The following ZMYM4 variants were observed in gnomAD, a reference collection of about 807,000 sequenced individuals.
ZMYM4 encodes the protein zinc finger MYM-type containing 4, also known as zinc finger MYM-type protein 4.
Under a neutral mutation model 183.2 loss-of-function variants are expected in ZMYM4, and 31 were observed. That is an observed-to-expected ratio of 0.17 (90% CI 0.13 to 0.23). ZMYM4 has a LOEUF of 0.23. Among genes scored for constraint, ZMYM4 ranks in the 10% least tolerant of loss-of-function variants. The pLI, the probability that ZMYM4 is intolerant of heterozygous loss-of-function variation, is 1.00. For synonymous variants in ZMYM4, 592 were observed against 631.2 expected, an observed-to-expected ratio of 0.94 and a Z score of 0.93; for missense variants, 1,273 against 1,840.3, an observed-to-expected ratio of 0.69 and a Z score of 5.64.
At chr1:35,278,237 A>AGGATC (rs200230677) in intron 1 of ZMYM4, among the ~76,000 whole-genome samples, 5,108 of 151,224 alleles carry the variant, frequency 0.034, 254 homozygotes, top group East Asian at 0.24. Context: ...CCTTACCATA[A>AGGATC]TTACCTCTCC....
At chr1:35,355,339 A>G (rs1453375651) in intron 2 of ZMYM4, among the ~76,000 whole-genome samples, 4 of 149,632 alleles carry the variant, frequency 2.7e-5, no homozygotes, top group Non-Finnish European at 5.9e-5. Flanking sequence ...GAGCCACCGC[A>G]CCCAGCCATC....
At chr1:35,279,019 C>G (rs1260931055) in intron 1 of ZMYM4, among the ~76,000 whole-genome samples, 2 of 152,186 alleles carry the variant, frequency 1.3e-5, no homozygotes, top group African/African-American at 2.4e-5. Flanking sequence ...ACAAATTTCT[C>G]TAGGTTTCAG....
chr1:35,409,379 T>A (rs6693302), intron 26 of ZMYM4, among the ~76,000 whole-genome samples: 14,113 of 152,238 alleles, frequency 0.093, 1,768 homozygotes, highest in African/African-American at 0.28. Flanking sequence ...AGCACCATTT[T>A]ACATTTCCAA....
chr1:35,380,440 G>A (rs1019794685), intron 7 of ZMYM4, among the ~76,000 whole-genome samples: 1 of 152,054 alleles, frequency 6.6e-6, no homozygotes, highest in Non-Finnish European at 1.5e-5. Flanking sequence ...CCATCCTCCT[G>A]CCTCAACCTC....
At chr1:35,284,387 CTA>C (rs1640365543) in intron 1 of ZMYM4, among the ~76,000 whole-genome samples, 1 of 152,106 alleles carries the variant, frequency 6.6e-6, no homozygotes, top group African/African-American at 2.4e-5. Context: ...AGATTTTTCC[CTA>C]TGTTTTCTTC....
intron 1 of ZMYM4, among the ~76,000 whole-genome samples, chr1:35,308,691 T>A (rs529454888): frequency 6.6e-6 from 1 of 152,248 alleles, no homozygotes; most frequent in South Asian, 2.1e-4. Flanking sequence ...CGAAACCCTG[T>A]CTCTACCAAA....
At chr1:35,408,327 G>A (rs1049113589) in intron 26 of ZMYM4, among the ~76,000 whole-genome samples, 168 bp downstream of exon 26, 1 of 152,184 alleles carries the variant, frequency 6.6e-6, no homozygotes, top group Non-Finnish European at 1.5e-5. Context: ...ATCAAGCTTT[G>A]TGGATCAGTC....
At chr1:35,281,094 C>A (rs546551411) in intron 1 of ZMYM4, among the ~76,000 whole-genome samples, 17 of 152,080 alleles carry the variant, frequency 1.1e-4, no homozygotes, top group Non-Finnish European at 2.4e-4. Flanking sequence ...ACCATCCTGG[C>A]TAACACAGTG....
chr1:35,390,136 C>T (rs1644672362), intron 15 of ZMYM4, 38 bp downstream of exon 15: 2 of 1,595,572 alleles, frequency 1.3e-6, no homozygotes, highest in Non-Finnish European at 1.7e-6. Flanking sequence ...AGTCTTTGGT[C>T]AATACTAGGA....
intron 1 of ZMYM4, among the ~76,000 whole-genome samples, chr1:35,275,442 T>C (rs1570218700): frequency 6.6e-6 from 1 of 152,174 alleles, no homozygotes; most frequent in African/African-American, 2.4e-5. Context: ...TTGGCCAGGC[T>C]GGTCTTGAAC....
chr1:35,325,118 AGTT>A (rs1642451746), intron 1 of ZMYM4, among the ~76,000 whole-genome samples: 1 of 151,692 alleles, frequency 6.6e-6, no homozygotes, highest in African/African-American at 2.4e-5. Context: ...AAAAATAAGT[AGTT>A]GTTTATAGTG....
At chr1:35,317,665 T>C (rs902378884) in intron 1 of ZMYM4, among the ~76,000 whole-genome samples, 7 of 152,210 alleles carry the variant, frequency 4.6e-5, no homozygotes, top group African/African-American at 1.7e-4. Flanking sequence ...CTGGTAAAGA[T>C]GCTAGAACAG....
intron 1 of ZMYM4, among the ~76,000 whole-genome samples, chr1:35,271,120 A>G (rs1188265366): frequency 6.6e-6 from 1 of 152,226 alleles, no homozygotes; most frequent in Non-Finnish European, 1.5e-5. Flanking sequence ...CATATAGTCC[A>G]CCAATGAAAA....
chr1:35,309,114 C>A, intron 1 of ZMYM4: 1 of 825,464 alleles, frequency 1.2e-6, no homozygotes, highest in Non-Finnish European at 1.5e-6. Context: ...ATATGGATGC[C>A]AACCTCATTG....
At chr1:35,322,131 A>G (rs1000139548) in intron 1 of ZMYM4, among the ~76,000 whole-genome samples, 1 of 152,182 alleles carries the variant, frequency 6.6e-6, no homozygotes, top group Non-Finnish European at 1.5e-5. Flanking sequence ...TATCTTTACC[A>G]GTCTGAGAGA....
intron 9 of ZMYM4, among the ~76,000 whole-genome samples, chr1:35,382,911 C>T (rs1038919725): frequency 1.3e-5 from 2 of 152,052 alleles, no homozygotes; most frequent in African/African-American, 4.8e-5. Flanking sequence ...TGCATATATA[C>T]TTCTTATTTG....
At chr1:35,382,181 T>TACACACACACACACACACAC (rs59402643) in intron 9 of ZMYM4, among the ~76,000 whole-genome samples, 2 of 133,542 alleles carry the variant, frequency 1.5e-5, no homozygotes, top group African/African-American at 5.4e-5. Flanking sequence ...TATACACACA[T>TACACACACACACACACACAC]ACACACACAC....
intron 2 of ZMYM4, among the ~76,000 whole-genome samples, chr1:35,358,190 G>A (rs1480552881): frequency 2.0e-5 from 3 of 152,122 alleles, no homozygotes; most frequent in Non-Finnish European, 4.4e-5. Flanking sequence ...TTTCCTACAA[G>A]TTTGTGAAGG....
intron 23 of ZMYM4, chr1:35,400,109 C>T (rs1309875755): frequency 7.5e-6 from 1 of 133,268 alleles, no homozygotes; most frequent in East Asian, 2.2e-4. Flanking sequence ...GGCCACTACA[C>T]TCCAGCCTGG....
Sources: allele counts gnomAD v4.1 joint callset (sites outside exome capture counted in the v4.1 genomes callset), GRCh38; gene constraint gnomAD v4.1.1; transcripts MANE v1.5; gene names NCBI Gene and HGNC (gene_info 2026-07-23, HGNC 2026-07-21).